The following SCIN variants were observed in gnomAD, a reference collection of about 807,000 sequenced individuals.
SCIN encodes the protein adseverin.
SCIN carries 91 observed loss-of-function variants against 91.8 expected under a neutral mutation model. That is an observed-to-expected ratio of 0.99 (90% CI 0.84 to 1.18). The LOEUF (loss-of-function observed/expected upper bound fraction) is 1.18. SCIN is among the 50% of genes most tolerant of loss of function. The probability of loss-of-function intolerance (pLI) is 0.00; values close to 1 mark genes in which losing one functional copy is unlikely to be tolerated. For missense variants in SCIN, 1,087 were observed against 863.9 expected, an observed-to-expected ratio of 1.26 and a Z score of -3.24; for synonymous variants, 367 against 312.6, an observed-to-expected ratio of 1.17 and a Z score of -1.84.
chr7:12,597,057 A>G (rs1414848385), intron 3 of SCIN, among the ~76,000 whole-genome samples: 1 of 152,194 alleles, frequency 6.6e-6, no homozygotes, highest in East Asian at 1.9e-4. Flanking sequence ...AGTTTGAAAA[A>G]CACACACAAT....
At chr7:12,622,183 T>C (rs555825231) in intron 4 of SCIN, among the ~76,000 whole-genome samples, 52 of 152,192 alleles carry the variant, frequency 3.4e-4, no homozygotes, top group African/African-American at 1.2e-3. Context: ...TTTGGACTTT[T>C]GGATTGCATC....
intron 2 of SCIN, among the ~76,000 whole-genome samples, chr7:12,580,489 C>T (rs757623807): frequency 6.6e-6 from 1 of 152,088 alleles, no homozygotes; most frequent in Non-Finnish European, 1.5e-5. Context: ...ATAGTAAGAC[C>T]TGTTTACCAG....
intron 1 of SCIN, chr7:12,577,685 C>G (rs1465226096): frequency 2.4e-6 from 1 of 419,756 alleles, no homozygotes; most frequent in African/African-American, 2.1e-5. Context: ...GACCTTTTCC[C>G]TACAAAACAC....
chr7:12,652,571 T>A lies in SCIN; in HGVS notation c.2021-17T>A. The A allele has an allele frequency of 6.2e-7, 1 of 1,611,264 alleles. No homozygotes were observed. Among genetic ancestry groups the A allele is most frequent in the Non-Finnish European group, 8.5e-7 (1 of 1,178,680 alleles). ...CCCAAACTAACTGAATTTATATGTC[T>A]TTACAACTTTTTTTAGCCAAAATGT... is the stretch of plus-strand genomic sequence containing the variant. On this transcript the variant is annotated splice_polypyrimidine_tract_variant and intron_variant, in intron 15 of 15. Transcript: ENST00000297029.
intron 4 of SCIN, 110 bp from the exon 5 acceptor site, chr7:12,622,691 T>C: frequency 1.3e-6 from 1 of 762,054 alleles, no homozygotes; most frequent in East Asian, 2.6e-5. Flanking sequence ...AGCCTGGTCA[T>C]TTTAATTGCA....
chr7:12,595,880 A>G (rs1342859329), intron 3 of SCIN: 1 of 154,326 alleles, frequency 6.5e-6, no homozygotes, highest in Non-Finnish European at 1.4e-5. Context: ...TTACCAGTAG[A>G]AGGTATCCAA....
intron 3 of SCIN, 39 bp downstream of exon 3, chr7:12,581,260 T>G: frequency 6.5e-7 from 1 of 1,535,306 alleles, no homozygotes; most frequent in Non-Finnish European, 8.8e-7. Flanking sequence ...TAAAGAAAAG[T>G]GAATTGCTTT....
intron 3 of SCIN, chr7:12,589,393 T>A (rs534328721): frequency 1.1e-4 from 16 of 152,138 alleles, no homozygotes; most frequent in African/African-American, 3.9e-4. Flanking sequence ...CCGGCTAATT[T>A]TTTCTATTTT....
intron 1 of SCIN, chr7:12,571,270 C>T (rs1782264438): frequency 6.4e-6 from 3 of 468,602 alleles, no homozygotes; most frequent in African/African-American, 3.9e-5. Context: ...TGGCTTCTTC[C>T]CCTTTCACCG....
In SCIN at chr7:12,653,201, T is replaced by C. The variant is rs4719327; in HGVS notation, c.*486T>C. 0.027 allele frequency: 4,154 copies of C among 152,378 alleles called. 83 individuals carry two copies. Among genetic ancestry groups the C allele is most frequent in the Non-Finnish European group, 0.039 (2,685 of 68,146 alleles). The allele number at this position is 152,378 out of a possible 1,614,324, so 9.4% of individuals were successfully genotyped here. A position where few individuals can be genotyped will look rare whatever the true frequency, so the allele number is the denominator to read the frequency against. Reference sequence around the variant, plus strand: ...TTCACCTGGAGTTTTCTTACGTTAATACATTAAAATAACCTGAAGGAAACT... The same window carrying C: ...TTCACCTGGAGTTTTCTTACGTTAACACATTAAAATAACCTGAAGGAAACT... On this transcript the variant is annotated 3_prime_UTR_variant, in exon 16 of 16. Transcript: ENST00000297029. This position sits in a 1 kb window ranked among gnomAD's most constrained non-coding sequence, Gnocchi z 4.1.
intron 4 of SCIN, among the ~76,000 whole-genome samples, chr7:12,609,028 T>C (rs964775807): frequency 1.3e-5 from 2 of 152,206 alleles, no homozygotes; most frequent in Non-Finnish European, 2.9e-5. Context: ...TATCTTTAGT[T>C]TGAAGTATTT....
In SCIN at chr7:12,652,579, T is replaced by G. The variant is rs1218313813; in HGVS notation, c.2021-9T>G. 1.1e-5 allele frequency: 17 copies of G among 1,608,066 alleles called. No individual in the cohort carries two copies. The highest frequency in any genetic ancestry group is 1.3e-5 in the Non-Finnish European group (15 of 1,177,074). On this transcript the variant is annotated splice_polypyrimidine_tract_variant and intron_variant, in intron 15 of 15. Transcript: ENST00000297029. ...AACTGAATTTATATGTCTTTACAACTTTTTTTAGCCAAAATGTACCTTGAG... is the reference window on the plus strand; with the variant it reads ...AACTGAATTTATATGTCTTTACAACGTTTTTTAGCCAAAATGTACCTTGAG...
chr7:12,622,917 A>C (rs1252071656), intron 5 of SCIN, 24 bp downstream of exon 5: 1 of 1,564,010 alleles, frequency 6.4e-7, no homozygotes, highest in African/African-American at 1.4e-5. Context: ...AACCAAATTT[A>C]TTGTTTCAAC....
chr7:12,597,197 A>G (rs1782861067), intron 3 of SCIN, among the ~76,000 whole-genome samples: 1 of 152,236 alleles, frequency 6.6e-6, no homozygotes, highest in South Asian at 2.1e-4. Flanking sequence ...AAAATAAAAA[A>G]GGTTCGTGGA....
At chr7:12,641,557 T>C (rs889146267) in intron 11 of SCIN, among the ~76,000 whole-genome samples, 3 of 152,144 alleles carry the variant, frequency 2.0e-5, no homozygotes, top group African/African-American at 7.2e-5. Context: ...ACTATTTCCA[T>C]CTCTCCGGCT....
chr7:12,614,889 G>C (rs1783267753), intron 4 of SCIN, among the ~76,000 whole-genome samples: 1 of 152,152 alleles, frequency 6.6e-6, no homozygotes, highest in African/African-American at 2.4e-5. Flanking sequence ...AGAGCTTTAA[G>C]ACACTATCTG....
intron 4 of SCIN, among the ~76,000 whole-genome samples, chr7:12,608,047 C>G (rs974185353): frequency 2.6e-5 from 4 of 152,150 alleles, no homozygotes; most frequent in African/African-American, 9.7e-5. Flanking sequence ...TACACAACCT[C>G]AAAATACGTT....
chr7:12,647,259 A>G (rs1359295145), intron 13 of SCIN, among the ~76,000 whole-genome samples: 1 of 152,050 alleles, frequency 6.6e-6, no homozygotes, highest in African/African-American at 2.4e-5. Flanking sequence ...CTCTGCACCA[A>G]CTCATTTTCT....
chr7:12,632,036 T>TG (rs1257627164), intron 9 of SCIN, among the ~76,000 whole-genome samples: 1 of 152,060 alleles, frequency 6.6e-6, no homozygotes, highest in African/African-American at 2.4e-5. Flanking sequence ...TTTAAGACAT[T>TG]GGGGGTCACT....
Sources: gnomAD v4.1 joint callset for allele counts (sites outside exome capture counted in the v4.1 genomes callset) on GRCh38, gnomAD v4.1.1 for gene constraint, Gnocchi (gnomAD v3.1) non-coding constraint, MANE v1.5 for transcripts, NCBI Gene and HGNC (gene_info 2026-07-23, HGNC 2026-07-21) for gene names.